Variants in FAM184A observed in about 807,000 individuals in gnomAD.
The protein encoded by FAM184A is protein FAM184A.
In FAM184A, 99 loss-of-function variants were observed where a neutral mutation model predicts 143.8. The ratio of observed to expected loss-of-function variants is 0.69; its 90% confidence interval spans 0.58 to 0.81. The LOEUF (loss-of-function observed/expected upper bound fraction) is 0.81. FAM184A is among the 40% of genes least tolerant of loss of function. FAM184A has a pLI of 0.00. For synonymous variants in FAM184A, 427 were observed against 446.4 expected, an observed-to-expected ratio of 0.96 and a Z score of 0.55; for missense variants, 1,217 against 1,310.5, an observed-to-expected ratio of 0.93 and a Z score of 1.10.
chr6:118,970,209 G>C (rs965175708), intron 14 of FAM184A, among the ~76,000 whole-genome samples: 1 of 150,174 alleles, frequency 6.7e-6, no homozygotes, highest in Non-Finnish European at 1.5e-5. Flanking sequence ...TTACCATGTT[G>C]GTCAGGCTGG....
upstream of FAM184A, among the ~76,000 whole-genome samples, chr6:119,081,789 G>A (rs538351162): frequency 1.6e-3 from 248 of 152,270 alleles, 1 homozygote; most frequent in African/African-American, 5.5e-3. Flanking sequence ...GCCAGTCGAC[G>A]GCCTGCTGGC....
chr6:119,075,417 A>G (rs62421125), intron 1 of FAM184A, among the ~76,000 whole-genome samples: 6,437 of 152,282 alleles, frequency 0.042, 185 homozygotes, highest in Non-Finnish European at 0.064. Context: ...ACAACTCTGT[A>G]AAATAGGTAC....
intron 1 of FAM184A, among the ~76,000 whole-genome samples, chr6:119,063,367 T>G (rs1175076023): frequency 2.6e-5 from 4 of 152,238 alleles, no homozygotes; most frequent in Non-Finnish European, 5.9e-5. Flanking sequence ...TTCCATATTA[T>G]TAGCCACATG....
Position 118,975,944 on chromosome 6 carries a change from C to T in FAM184A, c.2556G>A (p.Glu852=). Residue 852 remains glutamate (E), a synonymous_variant, in exon 12 of 18, where the codon GAG becomes GAA. Transcript: ENST00000338891. ...GTCTTCTGCTGATGTCTATGCTTCT[C>T]TCTAATTCCATTTTAGCAGCTGCCA... ...QELAAAKMEL[E]RSIDISRRQS... The T allele has an allele frequency of 1.2e-6, 2 of 1,613,114 alleles. No individual in the cohort carries two copies. The highest frequency in any genetic ancestry group is 1.7e-6 in the Non-Finnish European group (2 of 1,179,794).
At chr6:119,002,045 C>T (rs1019314567) in intron 9 of FAM184A, among the ~76,000 whole-genome samples, 1 of 152,042 alleles carries the variant, frequency 6.6e-6, no homozygotes, top group African/African-American at 2.4e-5. Context: ...TTATGAGATA[C>T]TAGACACAAA....
chr6:118,964,424 T>C (rs998422800), intron 16 of FAM184A, among the ~76,000 whole-genome samples: 1 of 151,634 alleles, frequency 6.6e-6, no homozygotes. Context: ...TTCAGAAATA[T>C]GAAAAAAAGG....
At chr6:119,131,149 A>T (rs554714910) in intron 1 of FAM184A, among the ~76,000 whole-genome samples, 1 of 152,176 alleles carries the variant, frequency 6.6e-6, no homozygotes, top group East Asian at 1.9e-4. Flanking sequence ...GTGAGCCACC[A>T]TGCCCAGCCA....
At chr6:119,114,765 T>C (rs983937632) in intron 1 of FAM184A, among the ~76,000 whole-genome samples, 1 of 152,178 alleles carries the variant, frequency 6.6e-6, no homozygotes, top group Non-Finnish European at 1.5e-5. Flanking sequence ...TGGTCTTGAA[T>C]GCCTGGGATC....
rs111780449 is a variant in FAM184A at position 119,060,632 on chromosome 6, T to C, written c.159+17509A>G. ...GGCCCCACCCAAATCTCTTGTCAGA[T>C]GGTAATCCCCAGTGTTGGAGGTGGG... On this transcript the variant is annotated intron_variant, in intron 1 of 17. Transcript: ENST00000338891. Among the ~76,000 whole-genome samples, 53 of 152,296 alleles carry C rather than the reference T, an allele frequency of 3.5e-4. 1 individual carries two copies. Among genetic ancestry groups the C allele is most frequent in the African/African-American group, 1.2e-3 (51 of 41,560 alleles).
At chr6:118,984,158 A>ATAT (rs1554265798) in intron 9 of FAM184A, among the ~76,000 whole-genome samples, 1,281 of 126,940 alleles carry the variant, frequency 0.01, 23 homozygotes, top group African/African-American at 0.034. Flanking sequence ...TTAAAAAAAA[A>ATAT]ATATATATAT....
chr6:119,049,750 A>G (rs1275326232), intron 1 of FAM184A, among the ~76,000 whole-genome samples: 2 of 152,228 alleles, frequency 1.3e-5, no homozygotes, highest in Non-Finnish European at 2.9e-5. Context: ...AACCTAGGCA[A>G]TACCATTCAG....
In FAM184A at chr6:118,975,165, A is replaced by C. The variant is rs1156258543; in HGVS notation, c.2627T>G (p.Leu876Ter). 2 of 1,611,234 alleles carry C rather than the reference A, an allele frequency of 1.2e-6. No individual in the cohort carries two copies. Among genetic ancestry groups the C allele is most frequent in the Non-Finnish European group, 1.7e-6 (2 of 1,178,614 alleles). ...AGAGATGTGATGCTCTCTGTGTCTT[A>C]ATTCCTCTTGTAGATCTGTAATTCT... Reference protein sequence around the residue: ...ICRITDLQEELRHREHHISEL... With the variant: ...ICRITDLQEE Residue 876 changes from leucine to a stop codon, truncating the protein, a stop_gained, in exon 13 of 18, where the codon TTA (leucine) becomes TGA (stop). Coordinates refer to ENST00000338891, the MANE Select transcript of FAM184A (RefSeq NM_024581.6). LOFTEE classifies it high-confidence loss of function.
chr6:118,980,359 C>T lies in FAM184A; in HGVS notation c.2089-9G>A. 3.7e-6 allele frequency: 6 copies of T among 1,607,478 alleles called. No individual in the cohort carries two copies. Among genetic ancestry groups the T allele is most frequent in the Non-Finnish European group, 5.1e-6 (6 of 1,174,728 alleles). On this transcript the variant is annotated splice_polypyrimidine_tract_variant and intron_variant, in intron 9 of 17. Transcript: ENST00000338891. Reference sequence around the variant, plus strand: ...TGTTTCAGCAAGGAAATCTATGCCCCAGAATGGTACACAATGAAGAATAAA... The same window carrying T: ...TGTTTCAGCAAGGAAATCTATGCCCTAGAATGGTACACAATGAAGAATAAA...
intron 1 of FAM184A, among the ~76,000 whole-genome samples, chr6:119,034,582 A>ATTT (rs1198776540): frequency 2.7e-5 from 4 of 149,660 alleles, no homozygotes; most frequent in African/African-American, 9.8e-5. Flanking sequence ...TTTTTTTTTA[A>ATTT]AAAAACCTTT....
intron 1 of FAM184A, among the ~76,000 whole-genome samples, chr6:119,057,588 TTTAA>T (rs1312202537): frequency 6.6e-6 from 1 of 151,906 alleles, no homozygotes; most frequent in Non-Finnish European, 1.5e-5. Flanking sequence ...AAAAAATTTT[TTTAA>T]TTATTCAGGT....
At chr6:119,070,851 T>A (rs1787659990) in intron 1 of FAM184A, among the ~76,000 whole-genome samples, 1 of 152,092 alleles carries the variant, frequency 6.6e-6, no homozygotes, top group Non-Finnish European at 1.5e-5. Flanking sequence ...GTCATTCACA[T>A]CCTTTCCATT....
At chr6:119,093,522 C>T (rs575274337) in intron 1 of FAM184A, among the ~76,000 whole-genome samples, 34 of 152,188 alleles carry the variant, frequency 2.2e-4, no homozygotes, top group Non-Finnish European at 4.3e-4. Context: ...TTCTGTAATT[C>T]TTTCAGCAAG....
chr6:119,138,342 C>T (rs1420590626), intron 1 of FAM184A, among the ~76,000 whole-genome samples: 3 of 152,174 alleles, frequency 2.0e-5, no homozygotes, highest in Admixed American at 6.5e-5. Context: ...ATTAAAACAG[C>T]ACCAATGTAT....
At chr6:119,016,282 C>T (rs562908275) in intron 5 of FAM184A, among the ~76,000 whole-genome samples, 7 of 152,270 alleles carry the variant, frequency 4.6e-5, no homozygotes, top group Non-Finnish European at 7.4e-5. Flanking sequence ...ATTGACAACC[C>T]GCTCGGGTCC....
Sources: gnomAD v4.1 joint callset for allele counts (sites outside exome capture counted in the v4.1 genomes callset) on GRCh38, gnomAD v4.1.1 for gene constraint, MANE v1.5 for transcripts, NCBI Gene and HGNC (gene_info 2026-07-23, HGNC 2026-07-21) for gene names.